The following CCNT1 variants were observed in gnomAD, a reference collection of about 807,000 sequenced individuals.
CCNT1 encodes cyclin-T1.
Under a neutral mutation model 67.3 loss-of-function variants are expected in CCNT1, and 18 were observed. The observed-to-expected ratio is 0.27, with a 90% CI of 0.18 to 0.40. The LOEUF (loss-of-function observed/expected upper bound fraction) is 0.40, where lower values mean the gene tolerates loss of function less well. CCNT1 is among the 10% of genes least tolerant of loss of function. The pLI is 1.00. For missense variants in CCNT1, 744 were observed against 884.9 expected (o/e 0.84, Z 2.02); for synonymous variants, 333 against 310.3 (o/e 1.07, Z -0.77).
At position 48,690,611 on chromosome 12, in the gene CCNT1, A is replaced by C. The variant is rs2137217805; in HGVS notation, c.*2422T>G. 6.6e-6 allele frequency: 1 copy of C among 152,358 alleles called. No individual in the cohort carries two copies. Among genetic ancestry groups the C allele is most frequent in the South Asian group, 2.1e-4 (1 of 4,826 alleles). 9.4% of individuals were successfully genotyped at this position (152,358 alleles called of 1,614,324 possible). On this transcript the variant is annotated 3_prime_UTR_variant, in exon 9 of 9. Coordinates refer to ENST00000261900, the MANE Select transcript of CCNT1 (RefSeq NM_001240.4). The stretch of plus-strand genomic sequence containing the variant: ...AGGCATTAACACAGAAAGGTCTCTA[A>C]ACTGACCTATGTCAGCAATGATCTA...
At position 48,696,417 on chromosome 12, in the gene CCNT1, G is replaced by C. The variant is rs138042786; in HGVS notation, c.543-255C>G. Among the ~76,000 whole-genome samples the C allele has an allele frequency of 1.4e-3, 207 of 143,138 alleles. 3 individuals are homozygous for C. In the East Asian group the frequency reaches 0.032, roughly 22 times the overall value. The allele number at this position is 143,138 out of a possible 152,430, so 93.9% of individuals were successfully genotyped here. On this transcript the variant is annotated intron_variant, in intron 6 of 8. Transcript: ENST00000261900. ...CATCACTTAATCTACACATTGACCA[G>C]AGCCAAAAAAAAAAAAAAGGAAAAA...
Position 48,694,314 on chromosome 12 carries a change from C to A in CCNT1, c.900G>T (p.Met300Ile). ...CACTTGTGGTAGAAGTTGACATGCT[C>A]ATTAAACCTGCAATGGTTGTGTCTG... ...SSSDTTIAGL[M>I]SMSTSTTSAV... Residue 300 changes from methionine to isoleucine, a missense_variant, in exon 9 of 9, where the codon ATG (methionine) becomes ATT (isoleucine). Met to Ile is a conservative substitution (Grantham distance 10). Coordinates refer to ENST00000261900, the MANE Select transcript of CCNT1 (RefSeq NM_001240.4). The A allele has an allele frequency of 1.2e-6, 2 of 1,614,200 alleles. No homozygotes were observed. The highest frequency in any genetic ancestry group is 2.2e-5 in the East Asian group (1 of 44,882).
In CCNT1 at chr12:48,695,328, C is replaced by CA. The variant is rs565623048; in HGVS notation, c.777+430dup. ...AAGGCTTTGACAAGTATTTGAAATA[C>CA]AACTTCAGACTACAGCCTATATAAA... On this transcript the variant is annotated intron_variant, in intron 8 of 8. Coordinates refer to ENST00000261900, the MANE Select transcript of CCNT1 (RefSeq NM_001240.4). Among the ~76,000 whole-genome samples the CA allele has an allele frequency of 1.3e-3, 203 of 152,228 alleles. 1 individual carries two copies. The highest frequency in any genetic ancestry group is 3.4e-3 in the Middle Eastern group (1 of 294).
In CCNT1 at chr12:48,712,595, TAAAAAAA is replaced by T. The variant is rs759919820; in HGVS notation, c.243+1841_243+1847del. On this transcript the variant is annotated intron_variant, in intron 2 of 8. Coordinates refer to ENST00000261900, the MANE Select transcript of CCNT1 (RefSeq NM_001240.4). ...TCTTTTCCTTAAAAAAAAAAAAAAA[TAAAAAAA>T]AAAAAAAAAAAAAAAAGCAGGGAAA... 1.8e-4 allele frequency among the ~76,000 whole-genome samples: 6 copies of T among 33,378 alleles called. 1 individual carries two copies. Among genetic ancestry groups the T allele is most frequent in the African/African-American group, 4.4e-4 (3 of 6,782 alleles). The allele number at this position is 33,378 out of a possible 152,430, so 21.9% of individuals were successfully genotyped here.
At chr12:48,705,645 A>G (rs1940344992) in intron 3 of CCNT1, 123 bp downstream of exon 3, 2 of 788,910 alleles carry the variant, frequency 2.5e-6, no homozygotes, top group African/African-American at 3.5e-5. Context: ...CTAAACTTCA[A>G]TAAATCGAAG....
At position 48,701,112 on chromosome 12, in the gene CCNT1, A is replaced by G. The variant is rs35685725; in HGVS notation, c.373-39T>C. The stretch of plus-strand genomic sequence containing the variant: ...GACAGAAATTATTCCCTACAAAGGC[A>G]CAATATATAAAGTATAAACAATTCT... On this transcript the variant is annotated intron_variant, in intron 3 of 8. Transcript: ENST00000261900. 25 of 1,221,778 alleles carry G rather than the reference A, an allele frequency of 2.0e-5. No homozygotes were observed. The South Asian group carries it at 3.4e-4, about 16-fold the overall frequency. 75.7% of individuals were successfully genotyped at this position (1,221,778 alleles called of 1,614,324 possible).
intron 2 of CCNT1, among the ~76,000 whole-genome samples, chr12:48,709,880 T>C (rs1940421765): frequency 1.3e-5 from 2 of 151,840 alleles, no homozygotes; most frequent in African/African-American, 4.8e-5. Context: ...TATTATAATA[T>C]CTTTGGGTTT....
intron 4 of CCNT1, 84 bp downstream of exon 4, chr12:48,700,929 T>C: frequency 1.3e-6 from 1 of 781,350 alleles, no homozygotes; most frequent in Non-Finnish European, 2.1e-6. Flanking sequence ...TCCCAAGAAA[T>C]ATTCTTCCTA....
chr12:48,705,656 T>C lies in CCNT1; in HGVS notation c.372+112A>G, dbSNP rs1001111509. ...CAATCTAAACTTCAATAAATCGAAG[T>C]TATAAAATTAAGTTGCATTGAAATA... On this transcript the variant is annotated intron_variant, in intron 3 of 8. Transcript: ENST00000261900. The C allele has an allele frequency of 6.1e-6, 5 of 821,754 alleles. No homozygotes were observed. The Admixed American group carries it at 1.1e-4, about 18-fold the overall frequency. The allele number at this position is 821,754 out of a possible 1,614,324, so 50.9% of individuals were successfully genotyped here. A position where few individuals can be genotyped will look rare whatever the true frequency, so the allele number is the denominator to read the frequency against.
At position 48,701,014 on chromosome 12, in the gene CCNT1, TA is replaced by T; in HGVS notation, c.431del (p.Leu144Ter). 2 of 1,553,148 alleles carry T rather than the reference TA, an allele frequency of 1.3e-6. No homozygotes were observed. Among genetic ancestry groups the T allele is most frequent in the Non-Finnish European group, 8.8e-7 (1 of 1,137,610 alleles). ...VILESIILQT[L>X]GFELTIDHPH... ...TGTTTCAAAGGAAAATAAACTTACC[TA>T]AAGTCTGCAAAATTATGCTTTCTAA... On this transcript the variant is annotated frameshift_variant and splice_region_variant, in exon 4 of 9. Transcript: ENST00000261900. LOFTEE classifies it high-confidence loss of function.
intron 2 of CCNT1, among the ~76,000 whole-genome samples, chr12:48,706,496 C>T (rs1938387803): frequency 6.6e-6 from 1 of 152,090 alleles, no homozygotes; most frequent in Non-Finnish European, 1.5e-5. Flanking sequence ...AAATACAAAG[C>T]ATGGCATTAT....
chr12:48,711,301 A>C (rs1305772990), intron 2 of CCNT1, among the ~76,000 whole-genome samples: 3 of 151,594 alleles, frequency 2.0e-5, no homozygotes, highest in Non-Finnish European at 4.4e-5. Flanking sequence ...AATCGCTTGA[A>C]CCTGGGAGGT....
intron 3 of CCNT1, among the ~76,000 whole-genome samples, chr12:48,705,308 CT>C (rs201541345): frequency 1.4e-5 from 2 of 139,928 alleles, no homozygotes; most frequent in Non-Finnish European, 3.1e-5. Context: ...TGTTGTTTTT[CT>C]TTTTTTGTAG....
chr12:48,709,625 A>G (rs1355135418), intron 2 of CCNT1, among the ~76,000 whole-genome samples: 1 of 152,214 alleles, frequency 6.6e-6, no homozygotes, highest in Non-Finnish European at 1.5e-5. Context: ...AAAAAATAAT[A>G]AAGGGAAGTA....
chr12:48,715,860 TCC>T (rs1940525566), intron 1 of CCNT1, among the ~76,000 whole-genome samples: 1 of 152,206 alleles, frequency 6.6e-6, no homozygotes, highest in Admixed American at 6.5e-5. Flanking sequence ...TTCGTGGGTA[TCC>T]CCTACAAACG....
In CCNT1 at chr12:48,710,052, C is replaced by T. The variant is rs574614201; in HGVS notation, c.244-4156G>A. Among the ~76,000 whole-genome samples the T allele has an allele frequency of 4.1e-4, 62 of 152,088 alleles. No individual in the cohort carries two copies. In the South Asian group the frequency reaches 0.01, roughly 25 times the overall value. On this transcript the variant is annotated intron_variant, in intron 2 of 8. Coordinates refer to ENST00000261900, the MANE Select transcript of CCNT1 (RefSeq NM_001240.4). Reference sequence around the variant, plus strand: ...GACTACAGGTGCACGCCACCATGCCCGGCTGATTTTTGTGTTTTTAATAGA... The same window carrying T: ...GACTACAGGTGCACGCCACCATGCCTGGCTGATTTTTGTGTTTTTAATAGA...
chr12:48,711,107 C>T (rs1940443402), intron 2 of CCNT1, among the ~76,000 whole-genome samples: 4 of 151,058 alleles, frequency 2.6e-5, no homozygotes, highest in South Asian at 2.1e-4. Context: ...TAAGGCTGGA[C>T]GCGGTGGCTC....
intron 2 of CCNT1, among the ~76,000 whole-genome samples, chr12:48,710,833 C>T (rs1050460300): frequency 1.3e-5 from 2 of 152,070 alleles, no homozygotes; most frequent in Non-Finnish European, 2.9e-5. Flanking sequence ...TAGGCCAAGG[C>T]GGGTGGATCG....
Position 48,716,633 on chromosome 12 carries a change from T to G in CCNT1, c.43A>C (p.Thr15Pro). ...GGGCTATTTTCCAGCTGTTCTCGAG[T>G]GAAATACCACCGTTTGTTGTTGTTC... Reference protein sequence around the residue: ...RKNNNKRWYFTREQLENSPSR... With the variant: ...RKNNNKRWYFPREQLENSPSR... Residue 15 changes from threonine to proline, a missense_variant, in exon 1 of 9, where the codon ACT becomes CCT. Coordinates refer to ENST00000261900, the MANE Select transcript of CCNT1 (RefSeq NM_001240.4). 6.2e-7 allele frequency: 1 copy of G among 1,614,126 alleles called. No homozygotes were observed. The highest frequency in any genetic ancestry group is 8.5e-7 in the Non-Finnish European group (1 of 1,180,000).
Sources: allele counts gnomAD v4.1 joint callset (sites outside exome capture counted in the v4.1 genomes callset), GRCh38; gene constraint gnomAD v4.1.1; transcripts MANE v1.5; gene names NCBI Gene and HGNC (gene_info 2026-07-23, HGNC 2026-07-21).